The following BNC2 variants were observed in gnomAD, a reference collection of about 807,000 sequenced individuals.
The protein encoded by BNC2 is basonuclin zinc finger protein 2.
BNC2 carries 20 observed loss-of-function variants against 76.3 expected under a neutral mutation model. The ratio of observed to expected loss-of-function variants is 0.26; its 90% CI spans 0.18 to 0.38. The LOEUF is 0.38. BNC2 is among the 10% of genes least tolerant of loss of function. BNC2 has a pLI of 1.00. For missense variants in BNC2, 1,382 were observed against 1,399.8 expected (o/e 0.99, Z 0.20); for synonymous variants, 582 against 514.8 (o/e 1.13, Z -1.77).
chr9:16,588,004 G>A (rs2133126490), intron 3 of BNC2, among the ~76,000 whole-genome samples: 1 of 152,254 alleles, frequency 6.6e-6, no homozygotes. Context: ...TAAGTTCCAT[G>A]AGGGCAGGAT....
intron 3 of BNC2, among the ~76,000 whole-genome samples, chr9:16,688,811 G>A (rs1016109826): frequency 6.6e-6 from 1 of 152,116 alleles, no homozygotes; most frequent in African/African-American, 2.4e-5. Context: ...ACTGTAACAG[G>A]AGGTCAGAGG....
intron 5 of BNC2, among the ~76,000 whole-genome samples, chr9:16,446,408 T>C (rs1452355054): frequency 6.6e-6 from 1 of 152,146 alleles, no homozygotes; most frequent in African/African-American, 2.4e-5. Flanking sequence ...GATAATTTTA[T>C]GTGACTTTGA....
chr9:16,536,992 A>G (rs1257226041), intron 5 of BNC2, among the ~76,000 whole-genome samples: 1 of 152,154 alleles, frequency 6.6e-6, no homozygotes, highest in Non-Finnish European at 1.5e-5. Flanking sequence ...CTAACATATT[A>G]GCATCTATAA....
intron 1 of BNC2, among the ~76,000 whole-genome samples, chr9:16,746,103 C>G (rs1824992587): frequency 6.6e-6 from 1 of 152,138 alleles, no homozygotes; most frequent in African/African-American, 2.4e-5. Context: ...AAAGAATAAA[C>G]TGGTAGCAAA....
intron 1 of BNC2, chr9:16,832,348 A>C: frequency 1.6e-6 from 2 of 1,255,854 alleles, no homozygotes; most frequent in South Asian, 2.7e-5. Context: ...AAAACCAGGC[A>C]ATCTGTGAAA....
intron 1 of BNC2, among the ~76,000 whole-genome samples, chr9:16,847,350 C>T (rs1373275088): frequency 1.6e-5 from 2 of 128,224 alleles, no homozygotes; most frequent in African/African-American, 6.0e-5. Flanking sequence ...CTTTTTTACA[C>T]TTTAAGTATA....
intron 3 of BNC2, among the ~76,000 whole-genome samples, chr9:16,649,002 G>A (rs1821718205): frequency 1.3e-5 from 2 of 152,160 alleles, no homozygotes; most frequent in Admixed American, 1.3e-4. Context: ...AGTCGCCTTA[G>A]ACTCTGTATG....
intron 3 of BNC2, among the ~76,000 whole-genome samples, chr9:16,679,674 G>A (rs552668028): frequency 1.1e-4 from 16 of 152,294 alleles, no homozygotes; most frequent in South Asian, 4.1e-4. Context: ...CTAGATGCGC[G>A]GGCCGGATGA....
chr9:16,539,314 G>A (rs1257824252), intron 5 of BNC2, among the ~76,000 whole-genome samples: 2 of 151,948 alleles, frequency 1.3e-5, no homozygotes, highest in African/African-American at 2.4e-5. Flanking sequence ...GAGGTCAGGA[G>A]TTTGAGACCA....
At chr9:16,701,667 C>T (rs1443704255) in intron 3 of BNC2, among the ~76,000 whole-genome samples, 1 of 152,058 alleles carries the variant, frequency 6.6e-6, no homozygotes, top group Non-Finnish European at 1.5e-5. Flanking sequence ...TACAGGCAGG[C>T]GTGGTGGCTC....
At chr9:16,424,522 C>T (rs1820768314) in intron 6 of BNC2, among the ~76,000 whole-genome samples, 1 of 152,182 alleles carries the variant, frequency 6.6e-6, no homozygotes, top group African/African-American at 2.4e-5. Context: ...TCAACACACA[C>T]ATTCACAAAT....
At chr9:16,454,073 C>T (rs1821396179) in intron 5 of BNC2, among the ~76,000 whole-genome samples, 1 of 152,116 alleles carries the variant, frequency 6.6e-6, no homozygotes, top group Admixed American at 6.6e-5. Context: ...TGTGGCCCAC[C>T]TATCAAATGT....
intron 1 of BNC2, among the ~76,000 whole-genome samples, chr9:16,769,431 G>C (rs1322883035): frequency 6.6e-6 from 1 of 152,188 alleles, no homozygotes; most frequent in African/African-American, 2.4e-5. Flanking sequence ...ATGCCACTCA[G>C]TCAGTGAAAA....
intron 5 of BNC2, among the ~76,000 whole-genome samples, chr9:16,518,783 TA>T (rs1432431599): frequency 6.6e-6 from 1 of 152,078 alleles, no homozygotes; most frequent in African/African-American, 2.4e-5. Flanking sequence ...GTATTTTTGG[TA>T]GGGACAGGGT....
intron 5 of BNC2, among the ~76,000 whole-genome samples, chr9:16,539,958 T>C (rs2132354681): frequency 6.6e-6 from 1 of 152,062 alleles, no homozygotes; most frequent in South Asian, 2.1e-4. Context: ...ATAAACAGAA[T>C]ATATCAAATT....
chr9:16,843,309 C>T (rs374822504), intron 1 of BNC2, among the ~76,000 whole-genome samples: 1 of 152,146 alleles, frequency 6.6e-6, no homozygotes, highest in African/African-American at 2.4e-5. Flanking sequence ...TATGGTCGTT[C>T]GAAAGGTGTA....
At chr9:16,649,282 G>T (rs560134011) in intron 3 of BNC2, among the ~76,000 whole-genome samples, 1 of 152,262 alleles carries the variant, frequency 6.6e-6, no homozygotes, top group Admixed American at 6.5e-5. Flanking sequence ...GAGGCCAGTG[G>T]TCTGCAGCTG....
At chr9:16,610,014 C>T (rs1820500650) in intron 3 of BNC2, among the ~76,000 whole-genome samples, 1 of 152,114 alleles carries the variant, frequency 6.6e-6, no homozygotes, top group Admixed American at 6.6e-5. Flanking sequence ...TCCCTTAATA[C>T]CAAATCATTT....
intron 5 of BNC2, among the ~76,000 whole-genome samples, chr9:16,455,396 G>C (rs1410815958): frequency 2.0e-5 from 3 of 152,294 alleles, no homozygotes; most frequent in African/African-American, 7.2e-5. Flanking sequence ...TCTTAATATG[G>C]AGCTCTGCTC....
Sources: gnomAD v4.1 joint callset for allele counts (sites outside exome capture counted in the v4.1 genomes callset) on GRCh38, gnomAD v4.1.1 for gene constraint, MANE v1.5 for transcripts, NCBI Gene and HGNC (gene_info 2026-07-23, HGNC 2026-07-21) for gene names.